CNTN5: variants seen among roughly 807,000 people sequenced by gnomAD.
CNTN5 encodes the protein contactin-5.
Under a neutral mutation model 129.1 loss-of-function variants are expected in CNTN5, and 77 were observed. The observed-to-expected ratio is 0.60, with a 90% CI of 0.50 to 0.72. The LOEUF (loss-of-function observed/expected upper bound fraction) is 0.72. CNTN5 is among the 30% of genes least tolerant of loss of function. The probability of loss-of-function intolerance (pLI) is 0.00; values close to 1 mark genes in which losing one functional copy is unlikely to be tolerated. For synonymous variants in CNTN5, 509 were observed against 465.6 expected, an observed-to-expected ratio of 1.09 and a Z score of -1.20; for missense variants, 1,478 against 1,328.8, an observed-to-expected ratio of 1.11 and a Z score of -1.75.
At chr11:99,707,795 C>T (rs1238158753) in intron 3 of CNTN5, among the ~76,000 whole-genome samples, 1 of 151,620 alleles carries the variant, frequency 6.6e-6, no homozygotes, top group Non-Finnish European at 1.5e-5. Flanking sequence ...TATAATCTCT[C>T]AGCAATCATA....
intron 4 of CNTN5, among the ~76,000 whole-genome samples, chr11:99,833,443 A>G (rs1231637240): frequency 6.6e-6 from 1 of 152,150 alleles, no homozygotes; most frequent in Non-Finnish European, 1.5e-5. Context: ...TACTTTCAGT[A>G]GAGTGTTCAG....
intron 1 of CNTN5, among the ~76,000 whole-genome samples, chr11:99,244,034 A>T (rs1398566717): frequency 6.6e-6 from 1 of 152,134 alleles, no homozygotes; most frequent in African/African-American, 2.4e-5. Flanking sequence ...AATATCATTG[A>T]ATCTGTAGAT....
At chr11:99,166,273 G>T (rs572757643) in intron 1 of CNTN5, among the ~76,000 whole-genome samples, 1 of 151,802 alleles carries the variant, frequency 6.6e-6, no homozygotes, top group African/African-American at 2.4e-5. Context: ...ATGGTGGCAC[G>T]CACCTGTAGT....
intron 2 of CNTN5, among the ~76,000 whole-genome samples, chr11:99,345,163 T>C (rs1937746148): frequency 6.6e-6 from 1 of 152,162 alleles, no homozygotes; most frequent in Admixed American, 6.6e-5. Context: ...TATGAATACA[T>C]ATATATGGAA....
At chr11:99,614,505 G>A (rs939252987) in intron 3 of CNTN5, among the ~76,000 whole-genome samples, 1 of 152,160 alleles carries the variant, frequency 6.6e-6, no homozygotes, top group East Asian at 1.9e-4. Flanking sequence ...ACACCCTTTG[G>A]CTGTTTAAGG....
intron 9 of CNTN5, among the ~76,000 whole-genome samples, chr11:100,029,499 C>T (rs1256839845): frequency 6.6e-6 from 1 of 152,146 alleles, no homozygotes; most frequent in East Asian, 1.9e-4. Flanking sequence ...AGGAGAATGG[C>T]GTGAACCCAG....
intron 1 of CNTN5, among the ~76,000 whole-genome samples, chr11:99,213,358 G>T (rs200007165): frequency 2.0e-5 from 1 of 50,166 alleles, no homozygotes; most frequent in African/African-American, 5.6e-5. Context: ...TTATATATGT[G>T]TATATATGTA....
rs536792595 is a variant in CNTN5, at chr11:100,170,229, C to T, written c.1581-20897C>T. On this transcript the variant is annotated intron_variant, in intron 13 of 24. Transcript: ENST00000524871. ...TCATTTTGCAAATAGATTATTCAGA[C>T]AGATTAAATGGCATGCCCAAAAGCT... Among the ~76,000 whole-genome samples the T allele has an allele frequency of 2.2e-4, 34 of 152,034 alleles. 1 individual carries two copies. In the South Asian group the frequency reaches 5.6e-3, roughly 25 times the overall value.
intron 3 of CNTN5, among the ~76,000 whole-genome samples, chr11:99,644,516 T>A (rs1016395263): frequency 6.6e-6 from 1 of 152,206 alleles, no homozygotes; most frequent in Non-Finnish European, 1.5e-5. Context: ...AACGATGTTC[T>A]CACCATTAGA....
At chr11:99,382,476 C>G (rs566592221) in intron 2 of CNTN5, among the ~76,000 whole-genome samples, 1 of 152,102 alleles carries the variant, frequency 6.6e-6, no homozygotes, top group African/African-American at 2.4e-5. Context: ...AATTTGACAG[C>G]CTCCAATTTA....
intron 3 of CNTN5, among the ~76,000 whole-genome samples, chr11:99,715,085 C>T (rs2134985390): frequency 6.6e-6 from 1 of 151,936 alleles, no homozygotes; most frequent in African/African-American, 2.4e-5. Flanking sequence ...ATGTAAAACA[C>T]TTTTTGTGAC....
intron 3 of CNTN5, among the ~76,000 whole-genome samples, chr11:99,612,712 T>A (rs1374808994): frequency 1.3e-5 from 2 of 152,234 alleles, no homozygotes; most frequent in Non-Finnish European, 2.9e-5. Context: ...CTTCACTTTA[T>A]GCATTCAATG....
intron 3 of CNTN5, among the ~76,000 whole-genome samples, chr11:99,783,974 A>C (rs1945414906): frequency 6.6e-6 from 1 of 152,098 alleles, no homozygotes. Context: ...GTATAATAAA[A>C]AAAAAAGTAT....
At chr11:99,554,516 C>T (rs1948603804) in intron 2 of CNTN5, among the ~76,000 whole-genome samples, 1 of 151,972 alleles carries the variant, frequency 6.6e-6, no homozygotes, top group Admixed American at 6.6e-5. Context: ...GTTGTAATAA[C>T]ATTTGTATTT....
intron 3 of CNTN5, among the ~76,000 whole-genome samples, chr11:99,632,004 A>G (rs193292604): frequency 6.6e-6 from 1 of 152,158 alleles, no homozygotes; most frequent in African/African-American, 2.4e-5. Context: ...ATTAAACTTT[A>G]TCATAGGAAG....
chr11:99,889,312 GT>G lies in CNTN5; in HGVS notation c.578-26741del, dbSNP rs1948986456. Among the ~76,000 whole-genome samples, 8 of 113,262 alleles carry G rather than the reference GT, an allele frequency of 7.1e-5. 1 individual carries two copies. The highest frequency in any genetic ancestry group is 2.2e-4 in the African/African-American group (8 of 36,598). 74.3% of individuals were successfully genotyped at this position (113,262 alleles called of 152,430 possible). On this transcript the variant is annotated intron_variant, in intron 6 of 24. Coordinates refer to ENST00000524871, the MANE Select transcript of CNTN5 (RefSeq NM_014361.4). ...AGCAGGTGTGTGTGTGTGTGTGTGT[GT>G]GTGTGTGTGTGTGTGTGTGTGTGTG...
At chr11:100,219,007 T>C (rs1401540754) in intron 15 of CNTN5, among the ~76,000 whole-genome samples, 1 of 152,204 alleles carries the variant, frequency 6.6e-6, no homozygotes, top group Non-Finnish European at 1.5e-5. Context: ...ATTAAAAATA[T>C]AAATTTAGGA....
At chr11:99,036,140 T>G (rs142582063) in intron 1 of CNTN5, among the ~76,000 whole-genome samples, 1,857 of 152,206 alleles carry the variant, frequency 0.012, 41 homozygotes, top group African/African-American at 0.042. Flanking sequence ...CCATGGCTTA[T>G]TTTTTCACGT....
intron 7 of CNTN5, among the ~76,000 whole-genome samples, chr11:99,937,392 C>T (rs1053054806): frequency 2.0e-5 from 3 of 152,184 alleles, no homozygotes; most frequent in Non-Finnish European, 4.4e-5. Context: ...TGCCGTTAGA[C>T]ATGGTGGATC....
Sources: allele counts gnomAD v4.1 joint callset (sites outside exome capture counted in the v4.1 genomes callset), GRCh38; gene constraint gnomAD v4.1.1; transcripts MANE v1.5; gene names NCBI Gene and HGNC (gene_info 2026-07-23, HGNC 2026-07-21).